Variants in SPMAP2 observed in about 807,000 individuals in gnomAD.
SPMAP2 encodes the protein Theg homolog.
the SPMAP2 span, chr19:373,963 C>T: frequency 3.1e-6 from 5 of 1,613,558 alleles, no homozygotes; most frequent in Admixed American, 5.0e-5. Context: ...AGTGCAAGCT[C>T]ATCTTACATG....
the SPMAP2 span, chr19:375,609 A>T: frequency 1.4e-6 from 2 of 1,462,518 alleles, no homozygotes. Context: ...CCCCACTGCC[A>T]GGGGCTGAGC....
chr19:367,061 T>A, the SPMAP2 span: 1 of 1,612,870 alleles, frequency 6.2e-7, no homozygotes, highest in Admixed American at 1.7e-5. Context: ...AGGCACCTAC[T>A]TACTGGCCAA....
At chr19:368,367 G>A in the SPMAP2 span, among the ~76,000 whole-genome samples, 3 of 151,958 alleles carry the variant, frequency 2.0e-5, no homozygotes, top group Non-Finnish European at 2.9e-5. This position sits in a 1 kb window ranked among gnomAD's most constrained non-coding sequence, Gnocchi z 4.1. Context: ...GTACACGTGT[G>A]TAGGAGTCCG....
At chr19:372,723 T>G in the SPMAP2 span, 2 of 1,613,020 alleles carry the variant, frequency 1.2e-6, no homozygotes, top group South Asian at 1.1e-5. Flanking sequence ...GGAAACGGAG[T>G]CAGTGAACCC....
the SPMAP2 span, among the ~76,000 whole-genome samples, chr19:364,674 G>C: frequency 3.6e-4 from 55 of 152,248 alleles, 2 homozygotes; most frequent in East Asian, 9.1e-3. Context: ...GGGGCAGGAG[G>C]CATCTCCTCC....
At chr19:366,719 T>G in the SPMAP2 span, among the ~76,000 whole-genome samples, 1 of 152,082 alleles carries the variant, frequency 6.6e-6, no homozygotes, top group Non-Finnish European at 1.5e-5. Context: ...GCAACTTCTC[T>G]GGCAATTCGC....
At chr19:374,387 T>C in the SPMAP2 span, 1 of 1,614,094 alleles carries the variant, frequency 6.2e-7, no homozygotes, top group East Asian at 2.2e-5. Context: ...TTGGTCATGG[T>C]GGTGCTGGGG....
chr19:362,495 T>C, the SPMAP2 span: 7 of 1,332,682 alleles, frequency 5.3e-6, no homozygotes, highest in Non-Finnish European at 7.2e-6. Context: ...AGGCTGGGCA[T>C]GGGAGCTCAC....
the SPMAP2 span, among the ~76,000 whole-genome samples, chr19:366,342 T>C: frequency 2.0e-4 from 30 of 152,258 alleles, no homozygotes; most frequent in African/African-American, 6.7e-4. Flanking sequence ...TGTGTGTTTG[T>C]GGTGAGCGTG....
chr19:364,336 CA>C, the SPMAP2 span, among the ~76,000 whole-genome samples: 5,090 of 74,060 alleles, frequency 0.069, 164 homozygotes, highest in East Asian at 0.26. Context: ...AGCTCTGTCT[CA>C]AAAAAAAAAA....
At chr19:374,591 G>A in the SPMAP2 span, 1 of 882,034 alleles carries the variant, frequency 1.1e-6, no homozygotes, top group South Asian at 1.8e-5. Flanking sequence ...CACCACGAAG[G>A]CCTGGACCAA....
At chr19:368,410 C>T in the SPMAP2 span, among the ~76,000 whole-genome samples, 3 of 149,946 alleles carry the variant, frequency 2.0e-5, no homozygotes, top group African/African-American at 7.3e-5. This position sits in a 1 kb window ranked among gnomAD's most constrained non-coding sequence, Gnocchi z 4.1. Flanking sequence ...GGCAAAGGAC[C>T]GCTTCACACG....
the SPMAP2 span, among the ~76,000 whole-genome samples, chr19:366,005 A>C: frequency 3.3e-5 from 5 of 152,110 alleles, no homozygotes; most frequent in African/African-American, 1.2e-4. Flanking sequence ...GCCAGGAGTG[A>C]TGGCAGGCTC....
the SPMAP2 span, chr19:372,649 T>G: frequency 3.1e-6 from 5 of 1,614,052 alleles, no homozygotes; most frequent in South Asian, 5.5e-5. Flanking sequence ...GTTGTAATAT[T>G]CCAGGTAGAA....
At chr19:364,088 C>T in the SPMAP2 span, among the ~76,000 whole-genome samples, 2 of 151,634 alleles carry the variant, frequency 1.3e-5, no homozygotes, top group African/African-American at 4.8e-5. Flanking sequence ...AATCCCAGCA[C>T]TCTGGGAGGC....
At chr19:367,006 G>T in the SPMAP2 span, 6 of 1,568,788 alleles carry the variant, frequency 3.8e-6, no homozygotes, top group Non-Finnish European at 4.3e-6. Flanking sequence ...GAGGTATAAG[G>T]TGTCCCTTGG....
the SPMAP2 span, among the ~76,000 whole-genome samples, chr19:364,206 G>A: frequency 4.0e-5 from 6 of 150,600 alleles, no homozygotes; most frequent in Admixed American, 2.6e-4. Flanking sequence ...GCGTGGTGGC[G>A]GCTGCCTGTA....
At chr19:363,385 G>A in the SPMAP2 span, among the ~76,000 whole-genome samples, 1 of 152,014 alleles carries the variant, frequency 6.6e-6, no homozygotes, top group Non-Finnish European at 1.5e-5. Context: ...CAGAGACGGG[G>A]TTTCACCATG....
the SPMAP2 span, among the ~76,000 whole-genome samples, chr19:364,147 C>T: frequency 2.0e-5 from 3 of 149,852 alleles, no homozygotes; most frequent in Non-Finnish European, 3.0e-5. Context: ...TCCTGGCTCA[C>T]ACGGTGAAAT....
Sources: allele counts gnomAD v4.1 joint callset (sites outside exome capture counted in the v4.1 genomes callset), GRCh38; gene constraint gnomAD v4.1.1; non-coding constraint Gnocchi (gnomAD v3.1); transcripts MANE v1.5; gene names NCBI Gene and HGNC (gene_info 2026-07-23, HGNC 2026-07-21).